Variants in TUBAL3 observed in about 807,000 individuals in gnomAD.
TUBAL3 encodes the protein tubulin alpha like 3, also known as tubulin alpha chain-like 3.
In TUBAL3, 16 loss-of-function variants were observed where a neutral mutation model predicts 15.5. The observed-to-expected ratio is 1.04, with a 90% CI of 0.70 to 1.57. The LOEUF is 1.57. TUBAL3 is among the 40% of genes most tolerant of loss of function. The probability of loss-of-function intolerance (pLI) is 0.00; values close to 1 mark genes in which losing one functional copy is unlikely to be tolerated. For synonymous variants in TUBAL3, 238 were observed against 224.3 expected (o/e 1.06, Z -0.55); for missense variants, 609 against 576.2 (o/e 1.06, Z -0.58).
In TUBAL3 at chr10:5,394,485, A is replaced by T; in HGVS notation, c.397-24T>A. 1 of 1,556,466 alleles carries T rather than the reference A, an allele frequency of 6.4e-7. No individual in the cohort carries two copies. Among genetic ancestry groups the T allele is most frequent in the South Asian group, 1.2e-5 (1 of 81,004 alleles). ...GCCTGGAGAAAGTAAATGAGATGTG[A>T]GAATTCAGCTGAATAAATCCAGAAG... On this transcript the variant is annotated intron_variant, in intron 3 of 3. Coordinates refer to ENST00000380419, the MANE Select transcript of TUBAL3 (RefSeq NM_024803.3). The surrounding 1 kb of genome is among the most constrained non-coding windows in gnomAD (Gnocchi z 4.3).
chr10:5,398,446 A>T (rs1434780442), intron 2 of TUBAL3, among the ~76,000 whole-genome samples: 1 of 149,278 alleles, frequency 6.7e-6, no homozygotes, highest in Non-Finnish European at 1.5e-5. Flanking sequence ...AAAAAAAAAA[A>T]AACTTATCCA....
At chr10:5,404,458 A>G (rs1467497486) in intron 1 of TUBAL3, among the ~76,000 whole-genome samples, 2 of 152,216 alleles carry the variant, frequency 1.3e-5, no homozygotes, top group African/African-American at 2.4e-5. Context: ...GAAGCAATGA[A>G]TATCTACAGA....
rs373296205 is a variant in TUBAL3, at chr10:5,404,828, T to A, written c.-36A>T. On this transcript the variant is annotated 5_prime_UTR_variant, in exon 1 of 4. Coordinates refer to ENST00000380419, the MANE Select transcript of TUBAL3 (RefSeq NM_024803.3). Reference sequence around the variant, plus strand: ...ACGTGCCCTTCCTGCCCTGTAGTAATGACTGAGGAGCCTCCCAGCTGAGCT... The same window carrying A: ...ACGTGCCCTTCCTGCCCTGTAGTAAAGACTGAGGAGCCTCCCAGCTGAGCT... 3.0e-5 allele frequency: 48 copies of A among 1,611,358 alleles called. No homozygotes were observed. The highest frequency in any genetic ancestry group is 4.1e-5 in the Non-Finnish European group (48 of 1,177,984).
intron 1 of TUBAL3, 26 bp downstream of exon 1, chr10:5,404,764 C>A (rs782602156): frequency 1.2e-6 from 2 of 1,612,936 alleles, no homozygotes; most frequent in Non-Finnish European, 1.7e-6. Context: ...TTTCCTACAA[C>A]AATGCATAGG....
Position 5,393,713 on chromosome 10 carries a change from A to G in TUBAL3, c.1145T>C (p.Ile382Thr), listed in dbSNP as rs2119136746. The change falls in exon 4 of 4, where the codon ATC (isoleucine) becomes ACC (threonine). Residue 382 changes from isoleucine to threonine, a missense_variant. Physicochemically the swap from Ile to Thr is moderately conservative, Grantham distance 89 (BLOSUM62 -1). Coordinates refer to ENST00000380419, the MANE Select transcript of TUBAL3 (RefSeq NM_024803.3). ...CGCCGTGGTGTTGCTCAGCATGCAG[A>G]TGGACCGGTGGACTTTGGCCAGGTC... Reference protein sequence around the residue: ...GGDLAKVHRSICMLSNTTAIV... With the variant: ...GGDLAKVHRSTCMLSNTTAIV... 2 of 1,614,200 alleles carry G rather than the reference A, an allele frequency of 1.2e-6. No homozygotes were observed. The highest frequency in any genetic ancestry group is 2.2e-5 in the East Asian group (1 of 44,880).
At position 5,400,978 on chromosome 10, in the gene TUBAL3, T is replaced by C. The variant is rs1831841790; in HGVS notation, c.113A>G (p.Asp38Gly). Residue 38 changes from aspartate to glycine, a missense_variant, in exon 2 of 4, where the codon GAC becomes GGC. Asp to Gly is a moderately conservative substitution (Grantham distance 94). Coordinates refer to ENST00000380419, the MANE Select transcript of TUBAL3 (RefSeq NM_024803.3). ...HGIQPNGVVL[D>G]TQQDQLENAK... ...ATTTTCCAGCTGATCCTGTTGAGTG[T>C]CAAGAACAACGCCATTTGGCTGGAT... 1 of 1,614,104 alleles carries C rather than the reference T, an allele frequency of 6.2e-7. No homozygotes were observed. Among genetic ancestry groups the C allele is most frequent in the Non-Finnish European group, 8.5e-7 (1 of 1,180,050 alleles).
rs1554813934 is a variant in TUBAL3, at chr10:5,394,774, A to G, written c.397-313T>C. ...CATCAATAACAAAGAAAATGACAAAACACTGAAGCAAAATAACATTCCCCC... is the reference window on the plus strand; with the variant it reads ...CATCAATAACAAAGAAAATGACAAAGCACTGAAGCAAAATAACATTCCCCC... On this transcript the variant is annotated intron_variant, in intron 3 of 3. Transcript: ENST00000380419. This position sits in a 1 kb window ranked among gnomAD's most constrained non-coding sequence, Gnocchi z 4.3. Among the ~76,000 whole-genome samples the G allele has an allele frequency of 1.3e-5, 2 of 152,198 alleles. No homozygotes were observed. Among genetic ancestry groups the G allele is most frequent in the African/African-American group, 4.8e-5 (2 of 41,454 alleles).
chr10:5,398,324 G>A (rs1411092062), intron 2 of TUBAL3, among the ~76,000 whole-genome samples: 1 of 151,526 alleles, frequency 6.6e-6, no homozygotes, highest in Non-Finnish European at 1.5e-5. Flanking sequence ...GGAGGCTGAG[G>A]CAGGGGAATT....
intron 1 of TUBAL3, among the ~76,000 whole-genome samples, chr10:5,404,195 C>A (rs1831898671): frequency 6.6e-6 from 1 of 152,140 alleles, no homozygotes; most frequent in African/African-American, 2.4e-5. Flanking sequence ...AATGTTGCTT[C>A]CATTGAAGAA....
rs782683130 is a variant in TUBAL3, at chr10:5,394,369, C to A, written c.489G>T (p.Arg163Ser). 6.3e-5 allele frequency: 102 copies of A among 1,614,048 alleles called. No individual in the cohort carries two copies. The highest frequency in any genetic ancestry group is 8.1e-5 in the Non-Finnish European group (96 of 1,180,046). Residue 163 changes from arginine (R) to serine (S), a missense_variant, in exon 4 of 4, where the codon AGG (arginine) becomes AGT (serine). By Grantham distance (110) the Arg-to-Ser change is moderately radical. Coordinates refer to ENST00000380419, the MANE Select transcript of TUBAL3 (RefSeq NM_024803.3). The surrounding 1 kb of genome is among the most constrained non-coding windows in gnomAD (Gnocchi z 4.3). ...TCTTTCTGCTATATTCTCCTGTGAG[C>A]CTCTCCATTAAGAGAGACGTAAACC... Reference protein sequence around the residue: ...GSGFTSLLMERLTGEYSRKTK... With the variant: ...GSGFTSLLMESLTGEYSRKTK...
intron 2 of TUBAL3, among the ~76,000 whole-genome samples, chr10:5,400,119 T>C (rs1554814509): frequency 6.6e-6 from 1 of 152,246 alleles, no homozygotes; most frequent in East Asian, 1.9e-4. Flanking sequence ...AAAATTGTAC[T>C]GTTTTTCCCA....
chr10:5,403,765 A>G (rs1831892357), intron 1 of TUBAL3, among the ~76,000 whole-genome samples: 1 of 152,196 alleles, frequency 6.6e-6, no homozygotes, highest in Admixed American at 6.5e-5. Context: ...ATTCTCTATG[A>G]AAATATTAGT....
rs111864653 is a variant in TUBAL3 at position 5,395,463 on chromosome 10, G to A, written c.260C>T (p.Thr87Met). The A allele has an allele frequency of 4.0e-4, 608 of 1,537,498 alleles. 4 individuals are homozygous for A. The East Asian group carries it at 0.013, about 33-fold the overall frequency. The change falls in exon 3 of 4, where the codon ACG becomes ATG. Residue 87 changes from threonine (T) to methionine (M), a missense_variant. Physicochemically the swap from Thr to Met is moderately conservative, Grantham distance 81. Transcript: ENST00000380419. This position sits in a 1 kb window ranked among gnomAD's most constrained non-coding sequence, Gnocchi z 4.6. ...LEPTVIDGIR[T>M]GQHRSLFHPE... ...GTGGAAGAGTGAACGGTGCTGGCCCGTCCGGATCCCATCTGCAGAGGGTGA... is the reference window on the plus strand; with the variant it reads ...GTGGAAGAGTGAACGGTGCTGGCCCATCCGGATCCCATCTGCAGAGGGTGA...
chr10:5,398,054 A>C (rs1168191691), intron 2 of TUBAL3, among the ~76,000 whole-genome samples: 1 of 152,204 alleles, frequency 6.6e-6, no homozygotes, highest in Admixed American at 6.5e-5. Flanking sequence ...TGGGAGGCCA[A>C]GGTGAGAGGA....
intron 2 of TUBAL3, among the ~76,000 whole-genome samples, chr10:5,400,362 T>C (rs535549006): frequency 1.2e-4 from 19 of 152,328 alleles, no homozygotes; most frequent in South Asian, 8.3e-4. Flanking sequence ...CCAAGTGTGG[T>C]GGCTCACGCC....
rs117686932 is a variant in TUBAL3 at position 5,394,523 on chromosome 10, C to T, written c.397-62G>A. Reference sequence around the variant, plus strand: ...ATAAATCCAGAAGCAGTGAATTGGACAGTAGTGGCAGGATACAACAGGTTT... The same window carrying T: ...ATAAATCCAGAAGCAGTGAATTGGATAGTAGTGGCAGGATACAACAGGTTT... On this transcript the variant is annotated intron_variant, in intron 3 of 3. Transcript: ENST00000380419. The surrounding 1 kb of genome is among the most constrained non-coding windows in gnomAD (Gnocchi z 4.3). 0.023 allele frequency: 33,066 copies of T among 1,468,212 alleles called. 498 individuals are homozygous for T. The highest frequency in any genetic ancestry group is 0.027 in the Non-Finnish European group (28,942 of 1,091,540). The allele number at this position is 1,468,212 out of a possible 1,614,324, so 90.9% of individuals were successfully genotyped here. A position where few individuals can be genotyped will look rare whatever the true frequency, so the allele number is the denominator to read the frequency against.
intron 1 of TUBAL3, among the ~76,000 whole-genome samples, chr10:5,402,678 C>T (rs1322723488): frequency 2.0e-5 from 3 of 152,252 alleles, no homozygotes; most frequent in Non-Finnish European, 2.9e-5. Context: ...GGTGAGTGAG[C>T]ATTACTGACT....
At chr10:5,401,912 A>G (rs1199602379) in intron 1 of TUBAL3, among the ~76,000 whole-genome samples, 19 of 152,226 alleles carry the variant, frequency 1.2e-4, no homozygotes, top group Admixed American at 1.2e-3. Context: ...CTAACCATTT[A>G]TATATTGTTG....
rs146371324 is a variant in TUBAL3 at position 5,398,547 on chromosome 10, C to T, written c.247+2297G>A. On this transcript the variant is annotated intron_variant, in intron 2 of 3. Coordinates refer to ENST00000380419, the MANE Select transcript of TUBAL3 (RefSeq NM_024803.3). ...CCAGGAGTTCACTGAGCTATGATTACGCCACTGCACTCCAGCCTGGGTGAC... is the reference window on the plus strand; with the variant it reads ...CCAGGAGTTCACTGAGCTATGATTATGCCACTGCACTCCAGCCTGGGTGAC... Among the ~76,000 whole-genome samples, 66 of 151,662 alleles carry T rather than the reference C, an allele frequency of 4.4e-4. 1 individual carries two copies. The East Asian group carries it at 9.1e-3, about 21-fold the overall frequency.
Sources: gnomAD v4.1 joint callset for allele counts (sites outside exome capture counted in the v4.1 genomes callset) on GRCh38, gnomAD v4.1.1 for gene constraint, Gnocchi (gnomAD v3.1) non-coding constraint, MANE v1.5 for transcripts, NCBI Gene and HGNC (gene_info 2026-07-23, HGNC 2026-07-21) for gene names.